The following ANK1 variants were observed in gnomAD, a reference collection of about 807,000 sequenced individuals.
ANK1 encodes ankyrin-1.
In ANK1, 51 loss-of-function variants were observed where a neutral mutation model predicts 210.4. The observed-to-expected ratio is 0.24, with a 90% confidence interval of 0.19 to 0.31. The LOEUF (loss-of-function observed/expected upper bound fraction) is 0.31, where lower values mean the gene tolerates loss of function less well. ANK1 is among the 10% of genes least tolerant of loss of function. The probability of loss-of-function intolerance (pLI) is 1.00; values close to 1 mark genes in which losing one functional copy is unlikely to be tolerated. For synonymous variants in ANK1, 967 were observed against 1,025.9 expected, an observed-to-expected ratio of 0.94 and a Z score of 1.10; for missense variants, 2,051 against 2,504.4, an observed-to-expected ratio of 0.82 and a Z score of 3.86.
chr8:41,756,764 G>A (rs1839254746), intron 2 of ANK1, among the ~76,000 whole-genome samples: 1 of 152,182 alleles, frequency 6.6e-6, no homozygotes, highest in Non-Finnish European at 1.5e-5. Context: ...TTTAAACAGG[G>A]GCAGGATGGA....
intron 1 of ANK1, among the ~76,000 whole-genome samples, chr8:41,768,714 C>A (rs1348479634): frequency 6.6e-6 from 1 of 151,434 alleles, no homozygotes; most frequent in African/African-American, 2.4e-5. Context: ...ATAATCCCAG[C>A]ATTTTGGGAG....
At chr8:41,682,198 C>T (rs1290352514) in intron 37 of ANK1, among the ~76,000 whole-genome samples, 2 of 152,164 alleles carry the variant, frequency 1.3e-5, no homozygotes, top group African/African-American at 4.8e-5. Context: ...CCCCCGCCTC[C>T]AGCCCCGTCC....
intron 39 of ANK1, among the ~76,000 whole-genome samples, chr8:41,667,380 C>T (rs186805933): frequency 6.6e-6 from 1 of 152,264 alleles, no homozygotes; most frequent in African/African-American, 2.4e-5. Flanking sequence ...AAAACAGAGA[C>T]AGAACATGTC....
At chr8:41,790,386 A>G (rs1000306121) in intron 1 of ANK1, among the ~76,000 whole-genome samples, 10 of 152,092 alleles carry the variant, frequency 6.6e-5, no homozygotes, top group Admixed American at 3.3e-4. Context: ...CCCTCAGGTG[A>G]TCCGCTCAGC....
Position 41,653,860 on chromosome 8 carries a change from T to G in ANK1, c.*1930A>C, listed in dbSNP as rs1804840018. 1 of 152,120 alleles carries G rather than the reference T, an allele frequency of 6.6e-6. No homozygotes were observed. The highest frequency in any genetic ancestry group is 2.1e-4 in the South Asian group (1 of 4,838). 9.4% of individuals were successfully genotyped at this position (152,120 alleles called of 1,614,324 possible). On this transcript the variant is annotated 3_prime_UTR_variant, in exon 43 of 43. Transcript: ENST00000289734. ...GCCCGGAGCTAGAGCTTCCTCTCCCTGCCCGCCCCTCTAAAGGAAGCAAAA... is the reference window on the plus strand; with the variant it reads ...GCCCGGAGCTAGAGCTTCCTCTCCCGGCCCGCCCCTCTAAAGGAAGCAAAA...
At chr8:41,669,416 C>A (rs924570224) in intron 38 of ANK1, among the ~76,000 whole-genome samples, 1 of 152,122 alleles carries the variant, frequency 6.6e-6, no homozygotes, top group Non-Finnish European at 1.5e-5. Context: ...CCTGCCTCAG[C>A]CACTTGAGTA....
chr8:41,771,933 G>A (rs1410827034), intron 1 of ANK1, among the ~76,000 whole-genome samples: 3 of 152,182 alleles, frequency 2.0e-5, no homozygotes, highest in Non-Finnish European at 4.4e-5. Context: ...ACACAAGCCT[G>A]CAGCAAAGAA....
intron 10 of ANK1, 45 bp from the exon 11 acceptor site, chr8:41,718,249 CG>C (rs748204467): frequency 6.3e-7 from 1 of 1,597,106 alleles, no homozygotes; most frequent in East Asian, 2.2e-5. Context: ...AGCTTACACA[CG>C]GGCCCAAGGA....
intron 14 of ANK1, among the ~76,000 whole-genome samples, 181 bp from the exon 15 acceptor site, chr8:41,715,255 C>T (rs1028097421): frequency 2.6e-5 from 4 of 152,234 alleles, no homozygotes; most frequent in African/African-American, 4.8e-5. Flanking sequence ...CATCCCTGCA[C>T]TTACGGTCCA....
Position 41,719,861 on chromosome 8 carries a change from G to A in ANK1, c.910-3C>T. 6.2e-7 allele frequency: 1 copy of A among 1,614,202 alleles called. No homozygotes were observed. The highest frequency in any genetic ancestry group is 8.5e-7 in the Non-Finnish European group (1 of 1,180,044). On this transcript the variant is annotated splice_region_variant and splice_polypyrimidine_tract_variant and intron_variant, in intron 9 of 42. Transcript: ENST00000289734. ...ATGTGAATTGGGGACAGGCCGTTCT[G>A]GGTAAAGAGGAAAACACAAGCAATC... is the stretch of plus-strand genomic sequence containing the variant.
intron 3 of ANK1, among the ~76,000 whole-genome samples, chr8:41,728,753 GA>G (rs1831365033): frequency 1.3e-5 from 2 of 151,996 alleles, no homozygotes; most frequent in South Asian, 2.1e-4. Context: ...AATACTGAAA[GA>G]AAAAAACACC....
chr8:41,861,227 G>A (rs1444009179), intron 1 of ANK1, among the ~76,000 whole-genome samples: 2 of 152,174 alleles, frequency 1.3e-5, no homozygotes, highest in African/African-American at 2.4e-5. Context: ...TTCAGGGGTC[G>A]CTGATGAGCA....
At chr8:41,777,377 C>A (rs146771351) in intron 1 of ANK1, among the ~76,000 whole-genome samples, 1 of 152,072 alleles carries the variant, frequency 6.6e-6, no homozygotes, top group Non-Finnish European at 1.5e-5. Context: ...GAGTTCGAGA[C>A]CAGCCTGGCC....
chr8:41,690,295 C>T lies in ANK1; in HGVS notation c.4036G>A (p.Ala1346Thr), dbSNP rs1818913728. The T allele has an allele frequency of 6.2e-7, 1 of 1,614,222 alleles. No individual in the cohort carries two copies. The highest frequency in any genetic ancestry group is 8.5e-7 in the Non-Finnish European group (1 of 1,180,042). ...TGCTGGGTGTCCTCGTACTTCATCG[C>T]CTTGCGCAGAAACGACAGGGACCCT... ...PGGSLSFLRK[A>T]MKYEDTQHIL... Residue 1346 changes from alanine (A) to threonine (T), a missense_variant, in exon 33 of 43, where the codon GCG becomes ACG. Ala to Thr is a moderately conservative substitution (Grantham distance 58, BLOSUM62 0). Transcript: ENST00000289734.
chr8:41,740,162 AT>A (rs34773901), intron 2 of ANK1, among the ~76,000 whole-genome samples: 67,083 of 137,302 alleles, frequency 0.49, 17,790 homozygotes, highest in East Asian at 0.77. Flanking sequence ...TTTGTTTTTG[AT>A]TTTTTTTTTT....
At chr8:41,775,201 C>T (rs1291785512) in intron 1 of ANK1, among the ~76,000 whole-genome samples, 4 of 152,242 alleles carry the variant, frequency 2.6e-5, no homozygotes, top group South Asian at 4.1e-4. Flanking sequence ...TCCCACCCTT[C>T]CTTAGAAATG....
At chr8:41,690,704 CA>C in intron 31 of ANK1, 105 bp from the exon 32 acceptor site, 5 of 1,499,326 alleles carry the variant, frequency 3.3e-6, no homozygotes, top group Non-Finnish European at 4.6e-6. Flanking sequence ...CCTGCCTCAG[CA>C]AGAGGCATGC....
At chr8:41,752,355 G>C (rs964833418) in intron 2 of ANK1, among the ~76,000 whole-genome samples, 3 of 152,148 alleles carry the variant, frequency 2.0e-5, no homozygotes, top group Non-Finnish European at 4.4e-5. Context: ...AGGCGAGTGG[G>C]AGTATATTCA....
chr8:41,852,335 A>G (rs1049212147), intron 1 of ANK1, among the ~76,000 whole-genome samples: 2 of 152,232 alleles, frequency 1.3e-5, no homozygotes, highest in African/African-American at 2.4e-5. Flanking sequence ...TCAGGGGAAC[A>G]TGCGGGCCGA....
Sources: gnomAD v4.1 joint callset for allele counts (sites outside exome capture counted in the v4.1 genomes callset) on GRCh38, gnomAD v4.1.1 for gene constraint, MANE v1.5 for transcripts, NCBI Gene and HGNC (gene_info 2026-07-23, HGNC 2026-07-21) for gene names.